Variants in ZNF469 observed in about 807,000 individuals in gnomAD.
The protein encoded by ZNF469 is zinc finger protein 469.
Under a neutral mutation model 1.0 loss-of-function variants are expected in ZNF469, and 1 was observed. That is an observed-to-expected ratio of 1.00 (90% confidence interval 0.35 to 4.73). ZNF469 has a LOEUF of 4.73. ZNF469 is among the 30% of genes most tolerant of loss of function. ZNF469 has a pLI of 0.16. For missense variants in ZNF469, 6,100 were observed against 5,356.3 expected (o/e 1.14, Z -4.33); for synonymous variants, 2,703 against 2,363.4 (o/e 1.14, Z -4.17).
chr16:88,126,526 A>G, the ZNF469 span, among the ~76,000 whole-genome samples: 57 of 142,628 alleles, frequency 4.0e-4, no homozygotes, highest in African/African-American at 1.4e-3. Flanking sequence ...CAAAGCCTTT[A>G]CTGCATCTTC....
At chr16:88,350,857 A>G in the ZNF469 span, among the ~76,000 whole-genome samples, 1 of 152,340 alleles carries the variant, frequency 6.6e-6, no homozygotes, top group Admixed American at 6.5e-5. Flanking sequence ...ATTCTCCCCA[A>G]GAGAAAAGAT....
At chr16:88,302,736 C>T in the ZNF469 span, among the ~76,000 whole-genome samples, 3 of 152,212 alleles carry the variant, frequency 2.0e-5, no homozygotes, top group African/African-American at 7.2e-5. Flanking sequence ...CCTGTCCCTG[C>T]TGGCTGCTCT....
the ZNF469 span, among the ~76,000 whole-genome samples, chr16:88,367,455 A>G: frequency 1.3e-5 from 2 of 152,236 alleles, no homozygotes; most frequent in Admixed American, 1.3e-4. Context: ...TAGCTGATGA[A>G]GGTCATCCTT....
At chr16:88,379,365 A>C (rs2092515672), upstream of ZNF469, among the ~76,000 whole-genome samples, 1 of 152,174 alleles carries the variant, frequency 6.6e-6, no homozygotes, top group South Asian at 2.1e-4. Context: ...CTGAGCTCAC[A>C]GACACAGGGG....
In ZNF469 at chr16:88,433,023, C is replaced by T; in HGVS notation, c.5553C>T (p.Gly1851=). The part of the protein sequence containing the change: ...GHLHPTAGRP[G]FEGNEFAPAG... ...TCCACCCCACGGCAGGGAGGCCTGG[C>T]TTTGAGGGTAATGAGTTTGCACCGG... Residue 1851 remains glycine (G), a synonymous_variant, in exon 3 of 3, where the codon GGC becomes GGT. Transcript: ENST00000565624. 1 of 1,550,288 alleles carries T rather than the reference C, an allele frequency of 6.5e-7. No individual in the cohort carries two copies. The highest frequency in any genetic ancestry group is 1.4e-5 in the African/African-American group (1 of 73,142).
chr16:88,138,984 G>T, the ZNF469 span, among the ~76,000 whole-genome samples: 1 of 152,248 alleles, frequency 6.6e-6, no homozygotes, highest in Non-Finnish European at 1.5e-5. Flanking sequence ...GTGCTGACAG[G>T]GGGGACCCTG....
chr16:88,372,861 C>A, the ZNF469 span, among the ~76,000 whole-genome samples: 1 of 151,836 alleles, frequency 6.6e-6, no homozygotes, highest in African/African-American at 2.4e-5. Flanking sequence ...ATCATCATCA[C>A]CATCTTTACC....
chr16:88,415,417 G>A (rs1193461605), intron 1 of ZNF469, among the ~76,000 whole-genome samples: 1 of 152,210 alleles, frequency 6.6e-6, no homozygotes, highest in Non-Finnish European at 1.5e-5. Context: ...GGCTGAAGGA[G>A]GGAAGAAGGC....
chr16:88,248,950 C>G, the ZNF469 span, among the ~76,000 whole-genome samples: 1 of 152,188 alleles, frequency 6.6e-6, no homozygotes, highest in Non-Finnish European at 1.5e-5. Flanking sequence ...GTCCCTCGGC[C>G]TCTCTGTCCA....
the ZNF469 span, among the ~76,000 whole-genome samples, chr16:88,120,623 C>T: frequency 5.3e-4 from 80 of 152,306 alleles, no homozygotes; most frequent in African/African-American, 1.8e-3. Flanking sequence ...GCCCTGTCCA[C>T]GGAGCATGCA....
At chr16:88,288,663 A>G in the ZNF469 span, among the ~76,000 whole-genome samples, 3 of 152,344 alleles carry the variant, frequency 2.0e-5, no homozygotes, top group East Asian at 5.8e-4. Flanking sequence ...GGGACCCCTG[A>G]TACTGTCTCA....
the ZNF469 span, among the ~76,000 whole-genome samples, chr16:88,349,277 C>G: frequency 6.6e-6 from 1 of 152,128 alleles, no homozygotes; most frequent in Non-Finnish European, 1.5e-5. Flanking sequence ...TCTACACGCA[C>G]AGGTGACCTT....
chr16:88,367,597 C>T, the ZNF469 span, among the ~76,000 whole-genome samples: 2 of 152,152 alleles, frequency 1.3e-5, no homozygotes, highest in Non-Finnish European at 2.9e-5. Flanking sequence ...ATTTAGAAAT[C>T]AAAGCAAAGC....
At chr16:88,212,543 C>T in the ZNF469 span, among the ~76,000 whole-genome samples, 1 of 151,966 alleles carries the variant, frequency 6.6e-6, no homozygotes, top group African/African-American at 2.4e-5. Context: ...TCATATTCTT[C>T]TCTTTCTTTC....
the ZNF469 span, among the ~76,000 whole-genome samples, chr16:88,124,513 A>G: frequency 2.6e-5 from 4 of 152,006 alleles, no homozygotes; most frequent in African/African-American, 4.8e-5. Context: ...ATGAGCCACC[A>G]TGCCCAGGCT....
the ZNF469 span, among the ~76,000 whole-genome samples, chr16:88,260,338 C>A: frequency 1.3e-5 from 2 of 152,174 alleles, no homozygotes; most frequent in Non-Finnish European, 2.9e-5. This position sits in a 1 kb window ranked among gnomAD's most constrained non-coding sequence, Gnocchi z 4.1. Context: ...CGAGTGTTTC[C>A]ACAATACGAC....
the ZNF469 span, among the ~76,000 whole-genome samples, chr16:88,291,327 G>C: frequency 2.6e-5 from 4 of 152,154 alleles, no homozygotes; most frequent in Non-Finnish European, 5.9e-5. Flanking sequence ...ACACACACTT[G>C]TTTGATGCAT....
At chr16:88,182,815 C>G in the ZNF469 span, among the ~76,000 whole-genome samples, 1 of 151,478 alleles carries the variant, frequency 6.6e-6, no homozygotes, top group African/African-American at 2.4e-5. Context: ...CAAAAAACTG[C>G]TTTGTGAGAA....
At position 88,386,354 on chromosome 16, in the gene ZNF469, C is replaced by G. The variant is rs370413185; in HGVS notation, c.-192+3100C>G. On this transcript the variant is annotated intron_variant, in intron 1 of 2. Transcript: ENST00000565624. ...CATCTCAGGATGTGTGTTCTCTCTTCCCGCCTCCTGCCCGGGACCCCACCG... is the reference window on the plus strand; with the variant it reads ...CATCTCAGGATGTGTGTTCTCTCTTGCCGCCTCCTGCCCGGGACCCCACCG... 9.7e-4 allele frequency among the ~76,000 whole-genome samples: 147 copies of G among 152,228 alleles called. 5 individuals carry two copies. The South Asian group carries it at 0.03, about 31-fold the overall frequency.
Sources: gnomAD v4.1 joint callset for allele counts (sites outside exome capture counted in the v4.1 genomes callset) on GRCh38, gnomAD v4.1.1 for gene constraint, Gnocchi (gnomAD v3.1) non-coding constraint, MANE v1.5 for transcripts, NCBI Gene and HGNC (gene_info 2026-07-23, HGNC 2026-07-21) for gene names.